Variants in ADAM23 observed in about 807,000 individuals in gnomAD.
The protein encoded by ADAM23 is ADAM metallopeptidase domain 23, also known as disintegrin and metalloproteinase domain-containing protein 23.
A neutral mutation model predicts 120.1 loss-of-function variants in ADAM23; 33 were observed. The ratio of observed to expected loss-of-function variants is 0.27; its 90% CI spans 0.21 to 0.37. ADAM23 has a LOEUF of 0.37. Among genes scored for constraint, ADAM23 ranks in the 10% least tolerant of loss-of-function variants. The pLI is 1.00. For missense variants in ADAM23, 862 were observed against 1,058.2 expected (o/e 0.81, Z 2.57); for synonymous variants, 367 against 375.2 (o/e 0.98, Z 0.25).
At chr2:206,477,903 T>TATATACAC (rs1553548697) in intron 2 of ADAM23, among the ~76,000 whole-genome samples, 6 of 135,540 alleles carry the variant, frequency 4.4e-5, no homozygotes, top group African/African-American at 1.8e-4. Context: ...AAAAAATATA[T>TATATACAC]ATATATATAT....
intron 4 of ADAM23, among the ~76,000 whole-genome samples, chr2:206,535,236 A>C (rs1697148532): frequency 1.3e-5 from 2 of 152,246 alleles, no homozygotes; most frequent in Non-Finnish European, 2.9e-5. Context: ...TCTCTCATTT[A>C]GTTTTAAACT....
rs997817531 is a variant in ADAM23 at position 206,560,078 on chromosome 2, C to G, written c.1129C>G (p.Gln377Glu). Residue 377 changes from glutamine to glutamate, a missense_variant, in exon 11 of 26, where the codon CAG (glutamine) becomes GAG (glutamate). By Grantham distance (29) the Gln-to-Glu change is conservative. Coordinates refer to ENST00000264377, the MANE Select transcript of ADAM23 (RefSeq NM_003812.4). ...QMLHEFSKYR[Q>E]RIKQHADAVH... ...GCTCCATGAGTTCTCAAAATACCGG[C>G]AGCGCATTAAGCAGCATGCTGATGC... is the stretch of plus-strand genomic sequence containing the variant. 3 of 1,614,020 alleles carry G rather than the reference C, an allele frequency of 1.9e-6. No individual in the cohort carries two copies. The African/African-American group carries it at 4.0e-5, about 22-fold the overall frequency.
chr2:206,566,044 G>A (rs1446240908), intron 14 of ADAM23, among the ~76,000 whole-genome samples: 3 of 151,902 alleles, frequency 2.0e-5, no homozygotes, highest in African/African-American at 7.3e-5. Flanking sequence ...CCATAGCTTA[G>A]TAATTTATGG....
chr2:206,502,929 G>A (rs144383143), intron 3 of ADAM23, among the ~76,000 whole-genome samples: 18 of 152,126 alleles, frequency 1.2e-4, no homozygotes, highest in Non-Finnish European at 1.5e-4. Context: ...TCATCCCCCA[G>A]GGGGAGCTAT....
In ADAM23 at chr2:206,514,313, A is replaced by G. The variant is rs963106067; in HGVS notation, c.510-16572A>G. On this transcript the variant is annotated intron_variant, in intron 3 of 25. Transcript: ENST00000264377. ...CTAATTAATGGAAGGAGGTGAAAAT[A>G]TAAACATTTACAGGAGTTTGGAATA... 2.6e-5 allele frequency among the ~76,000 whole-genome samples: 4 copies of G among 152,326 alleles called. No homozygotes were observed. The South Asian group carries it at 6.2e-4, about 24-fold the overall frequency.
chr2:206,596,094 C>T lies in ADAM23; in HGVS notation c.2291C>T (p.Ala764Val), dbSNP rs373229066. Residue 764 changes from alanine (A) to valine (V), a missense_variant, in exon 24 of 26, where the codon GCA becomes GTA. By Grantham distance (64) the Ala-to-Val change is moderately conservative. Coordinates refer to ENST00000264377, the MANE Select transcript of ADAM23 (RefSeq NM_003812.4). ...ACCTGCATTTGTGATTTCACCTGGG[C>T]AGGGACAGATTGCAGTATCCGGGAT... ...EATCICDFTW[A>V]GTDCSIRDPV... The T allele has an allele frequency of 4.3e-6, 7 of 1,613,842 alleles. No homozygotes were observed. The highest frequency in any genetic ancestry group is 3.3e-4 in the Middle Eastern group (2 of 6,084).
intron 3 of ADAM23, among the ~76,000 whole-genome samples, chr2:206,498,721 A>G (rs1038536772): frequency 5.6e-4 from 86 of 152,340 alleles, no homozygotes; most frequent in African/African-American, 2.0e-3. Flanking sequence ...GGCAGCCTAC[A>G]GAATGGGAGA....
chr2:206,568,508 A>G (rs561492687), intron 15 of ADAM23, among the ~76,000 whole-genome samples: 5 of 152,300 alleles, frequency 3.3e-5, no homozygotes, highest in African/African-American at 1.2e-4. Flanking sequence ...CAGGACTATT[A>G]TATAGAATAT....
At chr2:206,478,571 G>A (rs779238537) in intron 2 of ADAM23, among the ~76,000 whole-genome samples, 14 of 152,058 alleles carry the variant, frequency 9.2e-5, no homozygotes, top group Non-Finnish European at 1.8e-4. Flanking sequence ...TGCTGAGTGA[G>A]TTTGAGGGAG....
At chr2:206,604,501 C>G (rs1180157283) in intron 24 of ADAM23, among the ~76,000 whole-genome samples, 1 of 151,814 alleles carries the variant, frequency 6.6e-6, no homozygotes, top group African/African-American at 2.4e-5. Context: ...TGGTCTTCTT[C>G]CCTTAGCCTT....
intron 22 of ADAM23, 27 bp from the exon 23 acceptor site, chr2:206,594,710 G>T: frequency 6.2e-7 from 1 of 1,613,530 alleles, no homozygotes; most frequent in East Asian, 2.2e-5. Flanking sequence ...GGTGCAAATA[G>T]TTATATGGGT....
intron 21 of ADAM23, among the ~76,000 whole-genome samples, chr2:206,590,378 G>A (rs1369133698): frequency 1.3e-5 from 2 of 152,170 alleles, no homozygotes; most frequent in Non-Finnish European, 2.9e-5. Context: ...GATTATGGGC[G>A]TGAGTCACCA....
At chr2:206,512,256 CG>C in intron 3 of ADAM23, among the ~76,000 whole-genome samples, 1 of 152,140 alleles carries the variant, frequency 6.6e-6, no homozygotes, top group South Asian at 2.1e-4. Flanking sequence ...TCTTAAAGGA[CG>C]AACAAATTCA....
chr2:206,510,130 T>C (rs1349399372), intron 3 of ADAM23, among the ~76,000 whole-genome samples: 2 of 152,236 alleles, frequency 1.3e-5, no homozygotes, highest in African/African-American at 4.8e-5. Flanking sequence ...GAAGTGCATA[T>C]ACTGTGCATG....
At chr2:206,552,836 AT>A (rs56170459) in intron 9 of ADAM23, among the ~76,000 whole-genome samples, 102,253 of 147,186 alleles carry the variant, frequency 0.69, 35,408 homozygotes, top group African/African-American at 0.76. Flanking sequence ...TATTTTTTGT[AT>A]TTTTTTTTTT....
intron 4 of ADAM23, among the ~76,000 whole-genome samples, chr2:206,539,714 C>T (rs1697252246): frequency 6.6e-6 from 1 of 152,096 alleles, no homozygotes; most frequent in Non-Finnish European, 1.5e-5. Context: ...ATGCTTGGCA[C>T]CCAAGATGGA....
At chr2:206,487,958 T>A (rs1696051471) in intron 3 of ADAM23, among the ~76,000 whole-genome samples, 1 of 152,176 alleles carries the variant, frequency 6.6e-6, no homozygotes, top group Non-Finnish European at 1.5e-5. Context: ...AGTTTCGGAT[T>A]TAGGAAAACA....
intron 6 of ADAM23, among the ~76,000 whole-genome samples, chr2:206,544,435 A>G (rs1425310609): frequency 6.6e-6 from 1 of 152,152 alleles, no homozygotes; most frequent in Non-Finnish European, 1.5e-5. Flanking sequence ...CAAGCTGGGT[A>G]TTATTTTAGG....
chr2:206,477,897 A>AAAAAAATATAT (rs374524658), intron 2 of ADAM23, among the ~76,000 whole-genome samples: 3 of 93,574 alleles, frequency 3.2e-5, no homozygotes, highest in East Asian at 2.6e-4. Context: ...AAAAAAAAAA[A>AAAAAAATATAT]ATATATATAT....
Sources: allele counts gnomAD v4.1 joint callset (sites outside exome capture counted in the v4.1 genomes callset), GRCh38; gene constraint gnomAD v4.1.1; transcripts MANE v1.5; gene names NCBI Gene and HGNC (gene_info 2026-07-23, HGNC 2026-07-21).